The following LONP1 variants were observed in gnomAD, a reference collection of about 807,000 sequenced individuals.
LONP1 encodes the protein lon protease homolog, mitochondrial.
In LONP1, 31 loss-of-function variants were observed where a neutral mutation model predicts 98.5. The ratio of observed to expected loss-of-function variants is 0.31; its 90% confidence interval spans 0.24 to 0.42. The LOEUF (loss-of-function observed/expected upper bound fraction) is 0.42. Ranked by LOEUF, LONP1 falls within the 20% of genes least tolerant of loss-of-function variation. LONP1 has a pLI of 1.00. For synonymous variants in LONP1, 781 were observed against 594.7 expected (o/e 1.31, Z -4.56); for missense variants, 1,336 against 1,350.6 (o/e 0.99, Z 0.17).
rs757189076 is a variant in LONP1, at chr19:5,692,077, G to C, written c.2835C>G (p.Ile945Met). The change falls in exon 18 of 18, where the codon ATC (isoleucine) becomes ATG (methionine). Residue 945 changes from isoleucine (I) to methionine (M), a missense_variant. By Grantham distance (10) the Ile-to-Met change is conservative. Around this residue, in one of 5 missense-constraint regions of LONP1, gnomAD observed 555 missense variants for 542.6 expected, o/e 1.02. Transcript: ENST00000360614. ...CCTCTGCCTGCTCGTCCGGGAAGGCGATGTCGAAGATCTCCCGGTAGTGTT... is the reference window on the plus strand; with the variant it reads ...CCTCTGCCTGCTCGTCCGGGAAGGCCATGTCGAAGATCTCCCGGTAGTGTT... ...FVEHYREIFDIAFPDEQAEAL... is the reference protein window; with the variant it reads ...FVEHYREIFDMAFPDEQAEAL... 2 of 1,610,966 alleles carry C rather than the reference G, an allele frequency of 1.2e-6. No individual in the cohort carries two copies. The highest frequency in any genetic ancestry group is 3.3e-5 in the Admixed American group (2 of 59,728).
At chr19:5,720,332 G>A (rs1022040352), upstream of LONP1, 6 of 777,556 alleles carry the variant, frequency 7.7e-6, no homozygotes, top group Non-Finnish European at 9.5e-6. Flanking sequence ...CCCACTTTAT[G>A]CGCTGAAGGC....
intron 1 of LONP1, among the ~76,000 whole-genome samples, chr19:5,716,413 A>G (rs2055324217): frequency 6.7e-6 from 1 of 150,362 alleles, no homozygotes; most frequent in Non-Finnish European, 1.5e-5. Context: ...GGGTCCAAAA[A>G]TCTGCATTTC....
rs143449778 is a variant in LONP1, at chr19:5,700,807, G to A, written c.1488C>T (p.Asp496=). The A allele has an allele frequency of 2.3e-5, 37 of 1,614,010 alleles. No individual in the cohort carries two copies. Among genetic ancestry groups the A allele is most frequent in the East Asian group, 6.7e-5 (3 of 44,894 alleles). ...GGCTCACCAGGATGCGTTTCTTGAC[G>A]TCCTCCATGCCGTAGTGGTCTTCCT... ...VLEEDHYGME[D]VKKRILEFIA... The change falls in exon 9 of 18, where the codon GAC becomes GAT. Residue 496 remains aspartate (D), a synonymous_variant. Coordinates refer to ENST00000360614, the MANE Select transcript of LONP1 (RefSeq NM_004793.4).
rs1326358688 is a variant in LONP1 at position 5,707,759 on chromosome 19, T to C, written c.1000A>G (p.Met334Val). 1 of 1,613,278 alleles carries C rather than the reference T, an allele frequency of 6.2e-7. No homozygotes were observed. Among genetic ancestry groups the C allele is most frequent in the Non-Finnish European group, 8.5e-7 (1 of 1,179,916 alleles). ...VVDNPIYLSD[M>V]GAALTGAESH... ...TCGGCCCCGGTGAGCGCGGCGCCCATGTCGCTCAGGTAGATGGGGTTGTCC... is the reference window on the plus strand; with the variant it reads ...TCGGCCCCGGTGAGCGCGGCGCCCACGTCGCTCAGGTAGATGGGGTTGTCC... The change falls in exon 6 of 18, where the codon ATG becomes GTG. Residue 334 changes from methionine to valine, a missense_variant. Around this residue, in one of 5 missense-constraint regions of LONP1, gnomAD observed 97 missense variants for 139.0 expected, o/e 0.70. Coordinates refer to ENST00000360614, the MANE Select transcript of LONP1 (RefSeq NM_004793.4).
In LONP1 at chr19:5,714,615, TTTC is replaced by T. The variant is rs1482254503; in HGVS notation, c.430-347_430-345del. On this transcript the variant is annotated intron_variant, in intron 1 of 17. Coordinates refer to ENST00000360614, the MANE Select transcript of LONP1 (RefSeq NM_004793.4). ...CCACCAAACGCAGCACAGGGTAGCT[TTTC>T]TTTTTTTTTTTTTTTTCTGAGACGG... Among the ~76,000 whole-genome samples the T allele has an allele frequency of 2.3e-5, 3 of 132,324 alleles. 1 individual carries two copies. Among genetic ancestry groups the T allele is most frequent in the Admixed American group, 7.4e-5 (1 of 13,520 alleles). 86.8% of individuals were successfully genotyped at this position (132,324 alleles called of 152,430 possible). A position where few individuals can be genotyped will look rare whatever the true frequency, so the allele number is the denominator to read the frequency against.
chr19:5,695,906 T>G, intron 13 of LONP1, 148 bp downstream of exon 13: 3 of 661,862 alleles, frequency 4.5e-6, no homozygotes, highest in Admixed American at 2.8e-5. Flanking sequence ...GCGTCTGGTG[T>G]GTCTCTCACG....
At chr19:5,694,138 C>T (rs1397590625) in intron 15 of LONP1, among the ~76,000 whole-genome samples, 2 of 152,180 alleles carry the variant, frequency 1.3e-5, no homozygotes. Context: ...TCTGGATGAG[C>T]TTGTCCTTAC....
At chr19:5,707,638 G>A (rs1167672419) in intron 6 of LONP1, 59 bp downstream of exon 6, 19 of 1,570,436 alleles carry the variant, frequency 1.2e-5, no homozygotes, top group East Asian at 2.3e-5. Context: ...CGTGGGCGGA[G>A]CATAGTGGAG....
At chr19:5,716,281 T>C (rs912349412) in intron 1 of LONP1, among the ~76,000 whole-genome samples, 3 of 110,256 alleles carry the variant, frequency 2.7e-5, no homozygotes, top group South Asian at 2.9e-4. Context: ...TATATATATA[T>C]ATATATATAT....
intron 11 of LONP1, 55 bp from the exon 12 acceptor site, chr19:5,696,426 C>T (rs532596609): frequency 6.3e-7 from 1 of 1,591,696 alleles, no homozygotes; most frequent in East Asian, 2.3e-5. Flanking sequence ...CCAGCCCGCC[C>T]AGTGGGGAGA....
At chr19:5,715,819 G>A (rs1057181988) in intron 1 of LONP1, among the ~76,000 whole-genome samples, 3 of 151,908 alleles carry the variant, frequency 2.0e-5, no homozygotes, top group African/African-American at 4.8e-5. Context: ...CACTGCACTC[G>A]CTAATTTTTG....
In LONP1 at chr19:5,701,966, G is replaced by A. The variant is rs536663081; in HGVS notation, c.1368-1039C>T. ...CGACCCCGTCTGGGAGGGGAAGAGC[G>A]TCTCTGCCCGGCAGCCCTGAGAAGT... is the stretch of plus-strand genomic sequence containing the variant. On this transcript the variant is annotated intron_variant, in intron 8 of 17. Coordinates refer to ENST00000360614, the MANE Select transcript of LONP1 (RefSeq NM_004793.4). Among the ~76,000 whole-genome samples, 50 of 151,612 alleles carry A rather than the reference G, an allele frequency of 3.3e-4. No individual in the cohort carries two copies. The East Asian group carries it at 4.5e-3, about 14-fold the overall frequency.
intron 10 of LONP1, among the ~76,000 whole-genome samples, chr19:5,697,424 C>T (rs1337599041): frequency 6.6e-6 from 1 of 150,830 alleles, no homozygotes; most frequent in East Asian, 2.0e-4. Context: ...AGGACACAGC[C>T]CGTGCAAAGG....
At chr19:5,696,876 G>A (rs1264813062) in intron 10 of LONP1, 119 bp from the exon 11 acceptor site, 2 of 660,458 alleles carry the variant, frequency 3.0e-6, no homozygotes, top group African/African-American at 3.6e-5. Flanking sequence ...ATGTGGCCAT[G>A]ATGTGGGAGG....
chr19:5,698,957 A>AC, intron 10 of LONP1, 70 bp downstream of exon 10: 1 of 1,471,300 alleles, frequency 6.8e-7, no homozygotes, highest in East Asian at 2.5e-5. Context: ...TTAAAGGGTG[A>AC]CCGGAGAAGA....
In LONP1 at chr19:5,713,259, G is replaced by A; in HGVS notation, c.519-6C>T. ...CGACCACATCCGACTCATTGCTGTGGGAGAAGAGCACAGAGGAATGTTGGA... is the reference window on the plus strand; with the variant it reads ...CGACCACATCCGACTCATTGCTGTGAGAGAAGAGCACAGAGGAATGTTGGA... On this transcript the variant is annotated splice_polypyrimidine_tract_variant and splice_region_variant and intron_variant, in intron 2 of 17. Coordinates refer to ENST00000360614, the MANE Select transcript of LONP1 (RefSeq NM_004793.4). 1 of 1,613,960 alleles carries A rather than the reference G, an allele frequency of 6.2e-7. No individual in the cohort carries two copies. Among genetic ancestry groups the A allele is most frequent in the African/African-American group, 1.3e-5 (1 of 75,054 alleles).
At position 5,694,825 on chromosome 19, in the gene LONP1, G is replaced by A. The variant is rs370111936; in HGVS notation, c.2090C>T (p.Thr697Met). ...GCGGCAGTACTGCTTGATGAGCAGC[G>A]TCAGCACGTCCGATGACAGCTTGGC... ...SKAKLSSDVL[T>M]LLIKQYCRES... is the part of the protein sequence containing the mutation. The change falls in exon 14 of 18, where the codon ACG becomes ATG. Residue 697 changes from threonine (T) to methionine (M), a missense_variant. Thr to Met is a moderately conservative substitution (Grantham distance 81). Transcript: ENST00000360614. The A allele has an allele frequency of 4.2e-5, 67 of 1,602,212 alleles. No homozygotes were observed. Among genetic ancestry groups the A allele is most frequent in the South Asian group, 1.3e-4 (12 of 90,872 alleles).
chr19:5,715,966 C>T (rs766383868), intron 1 of LONP1, among the ~76,000 whole-genome samples: 1 of 151,928 alleles, frequency 6.6e-6, no homozygotes, highest in Non-Finnish European at 1.5e-5. Context: ...ACATTCTCAA[C>T]GGCAGGTTCA....
rs1462988276 is a variant in LONP1, at chr19:5,713,232, C to G, written c.540G>C (p.Glu180Asp). ...CCGTGTGGTAGATTTCATCCAGGCT[C>G]TCGACCACATCCGACTCATTGCTGT... ...RDDSNESDVV[E>D]SLDEIYHTGT... The change falls in exon 3 of 18, where the codon GAG becomes GAC. Residue 180 changes from glutamate to aspartate, a missense_variant. Physicochemically the swap from Glu to Asp is conservative, Grantham distance 45. Around this residue, in one of 5 missense-constraint regions of LONP1, gnomAD observed 457 missense variants for 403.1 expected, o/e 1.13. Coordinates refer to ENST00000360614, the MANE Select transcript of LONP1 (RefSeq NM_004793.4). The G allele has an allele frequency of 6.2e-7, 1 of 1,614,182 alleles. No homozygotes were observed. The highest frequency in any genetic ancestry group is 1.3e-5 in the African/African-American group (1 of 75,052).
Sources: gnomAD v4.1 joint callset for allele counts (sites outside exome capture counted in the v4.1 genomes callset) on GRCh38, gnomAD v4.1.1 for gene constraint, gnomAD v4.1.1 regional missense constraint, MANE v1.5 for transcripts, NCBI Gene and HGNC (gene_info 2026-07-23, HGNC 2026-07-21) for gene names.